SGCZ: variants seen among roughly 807,000 people sequenced by gnomAD.
SGCZ encodes the protein sarcoglycan zeta, also known as zeta-sarcoglycan.
In SGCZ, 40 loss-of-function variants were observed where a neutral mutation model predicts 41.3. The observed-to-expected ratio is 0.97, with a 90% CI of 0.75 to 1.26. SGCZ has a LOEUF of 1.26. Among genes scored for constraint, SGCZ ranks in the 50% most tolerant of loss-of-function variants. SGCZ has a pLI of 0.00. For missense variants in SGCZ, 552 were observed against 369.8 expected (o/e 1.49, Z -4.04); for synonymous variants, 206 against 137.5 (o/e 1.50, Z -3.49).
intron 2 of SGCZ, among the ~76,000 whole-genome samples, chr8:14,333,781 A>T (rs1038280841): frequency 3.3e-5 from 5 of 152,122 alleles, no homozygotes; most frequent in Non-Finnish European, 7.4e-5. Context: ...AAATACAGGG[A>T]TGAATTATTC....
At chr8:14,679,497 A>G (rs1317289145) in intron 1 of SGCZ, among the ~76,000 whole-genome samples, 1 of 97,078 alleles carries the variant, frequency 1.0e-5, no homozygotes, top group Non-Finnish European at 2.4e-5. Context: ...TAATATATAT[A>G]CATATATATT....
intron 1 of SGCZ, among the ~76,000 whole-genome samples, chr8:14,733,832 C>T (rs1245340020): frequency 6.6e-6 from 1 of 152,112 alleles, no homozygotes; most frequent in Non-Finnish European, 1.5e-5. Flanking sequence ...TAGAATAAAT[C>T]CTAAGCAATT....
chr8:14,548,418 A>C (rs565781712), intron 2 of SGCZ, among the ~76,000 whole-genome samples: 1 of 152,326 alleles, frequency 6.6e-6, no homozygotes, highest in South Asian at 2.1e-4. Flanking sequence ...GAATATAAAA[A>C]TGAATTCATT....
intron 1 of SGCZ, among the ~76,000 whole-genome samples, chr8:14,807,128 G>T (rs1175931073): frequency 6.6e-6 from 1 of 151,578 alleles, no homozygotes; most frequent in African/African-American, 2.4e-5. Flanking sequence ...ATATCATACT[G>T]AATGGGCAAA....
In SGCZ at chr8:14,356,999, C is replaced by T. The variant is rs1356262607; in HGVS notation, c.235-32795G>A. ...AGAAACACAATAGTAAAATATGGGC[C>T]AACAAAGTGATAAATGAGAAGCAAT... is the stretch of plus-strand genomic sequence containing the variant. On this transcript the variant is annotated intron_variant, in intron 2 of 7. Coordinates refer to ENST00000382080, the MANE Select transcript of SGCZ (RefSeq NM_139167.4). Among the ~76,000 whole-genome samples, 4 of 151,470 alleles carry T rather than the reference C, an allele frequency of 2.6e-5. No homozygotes were observed. In the East Asian group the frequency reaches 7.7e-4, roughly 29 times the overall value.
intron 2 of SGCZ, among the ~76,000 whole-genome samples, chr8:14,409,610 T>C (rs1799306838): frequency 6.6e-6 from 1 of 152,158 alleles, no homozygotes; most frequent in Non-Finnish European, 1.5e-5. Context: ...GCATTAATTA[T>C]ATTAATAAAA....
chr8:14,984,532 C>A (rs940912775), intron 1 of SGCZ, among the ~76,000 whole-genome samples: 2 of 151,004 alleles, frequency 1.3e-5, no homozygotes, highest in Admixed American at 1.3e-4. Flanking sequence ...GGCTTTTTTC[C>A]TTCTATAAAG....
intron 2 of SGCZ, among the ~76,000 whole-genome samples, chr8:14,504,788 C>G (rs894377428): frequency 2.6e-5 from 4 of 152,126 alleles, no homozygotes; most frequent in Non-Finnish European, 2.9e-5. Flanking sequence ...TTCCCCTCAG[C>G]TGAAACCTTT....
At chr8:15,003,172 A>G (rs56263802) in intron 1 of SGCZ, among the ~76,000 whole-genome samples, 14 of 151,996 alleles carry the variant, frequency 9.2e-5, no homozygotes, top group Middle Eastern at 3.2e-3. Context: ...GATTTCTGCC[A>G]AGAGATAATT....
chr8:14,669,661 T>A (rs56127547), intron 1 of SGCZ, among the ~76,000 whole-genome samples: 51,219 of 151,444 alleles, frequency 0.34, 11,081 homozygotes, highest in African/African-American at 0.62. Context: ...CTTGCTTCTG[T>A]CTTATGGCTG....
intron 1 of SGCZ, among the ~76,000 whole-genome samples, chr8:14,638,410 C>A (rs190652890): frequency 3.8e-4 from 57 of 151,986 alleles, no homozygotes; most frequent in African/African-American, 1.2e-3. Context: ...TTCTCAATGT[C>A]TCCCAGTATA....
At chr8:14,158,222 CT>C (rs1295480699) in intron 5 of SGCZ, among the ~76,000 whole-genome samples, 1 of 152,080 alleles carries the variant, frequency 6.6e-6, no homozygotes, top group African/African-American at 2.4e-5. Flanking sequence ...AGAATAACCT[CT>C]TTTGTCCTGC....
rs527768090 is a variant in SGCZ, at chr8:14,449,881, T to C, written c.234+104851A>G. ...GTATTGGATTCACCCCACAACCTTC[T>C]TCACCATCGTAAACAAAGTAAGAGT... On this transcript the variant is annotated intron_variant, in intron 2 of 7. Coordinates refer to ENST00000382080, the MANE Select transcript of SGCZ (RefSeq NM_139167.4). Among the ~76,000 whole-genome samples, 11 of 152,294 alleles carry C rather than the reference T, an allele frequency of 7.2e-5. No homozygotes were observed. The South Asian group carries it at 2.3e-3, about 32-fold the overall frequency.
At chr8:14,321,063 A>C (rs1468201363) in intron 3 of SGCZ, among the ~76,000 whole-genome samples, 3 of 152,074 alleles carry the variant, frequency 2.0e-5, no homozygotes, top group Non-Finnish European at 4.4e-5. Flanking sequence ...AAGTTGGACC[A>C]AGTGCCTTGA....
intron 1 of SGCZ, among the ~76,000 whole-genome samples, chr8:14,712,415 G>A (rs1318957653): frequency 6.6e-6 from 1 of 152,166 alleles, no homozygotes; most frequent in Admixed American, 6.5e-5. Context: ...GAATCACTTA[G>A]TTCATTCCCA....
intron 1 of SGCZ, among the ~76,000 whole-genome samples, chr8:15,104,656 A>G (rs936249076): frequency 1.3e-5 from 2 of 151,338 alleles, no homozygotes; most frequent in African/African-American, 4.9e-5. Context: ...TTTTTACCAC[A>G]ACTGTGTAAC....
chr8:15,103,270 G>C (rs11785699), intron 1 of SGCZ, among the ~76,000 whole-genome samples: 1 of 151,976 alleles, frequency 6.6e-6, no homozygotes, highest in Non-Finnish European at 1.5e-5. Flanking sequence ...GCATGATGGC[G>C]CATGCCTGTA....
chr8:15,017,068 G>T (rs951191241), intron 1 of SGCZ, among the ~76,000 whole-genome samples: 1 of 152,098 alleles, frequency 6.6e-6, no homozygotes, highest in African/African-American at 2.4e-5. Context: ...ATGAGACTTG[G>T]AGGGGACAAA....
chr8:14,800,560 G>C (rs1249676306), intron 1 of SGCZ, among the ~76,000 whole-genome samples: 2 of 152,118 alleles, frequency 1.3e-5, no homozygotes, highest in African/African-American at 4.8e-5. Flanking sequence ...AGTCATGTGG[G>C]TGAACTTCCC....
Sources: allele counts gnomAD v4.1 joint callset (sites outside exome capture counted in the v4.1 genomes callset), GRCh38; gene constraint gnomAD v4.1.1; transcripts MANE v1.5; gene names NCBI Gene and HGNC (gene_info 2026-07-23, HGNC 2026-07-21).